IFT88: variants seen among roughly 807,000 people sequenced by gnomAD.
IFT88 encodes the protein intraflagellar transport 88, also known as intraflagellar transport protein 88 homolog.
Under a neutral mutation model 119.5 loss-of-function variants are expected in IFT88, and 74 were observed. That is an observed-to-expected ratio of 0.62 (90% CI 0.51 to 0.75). IFT88 has a LOEUF of 0.75. Among genes scored for constraint, IFT88 ranks in the 30% least tolerant of loss-of-function variants. IFT88 has a pLI of 0.00. For synonymous variants in IFT88, 279 were observed against 316.7 expected, an observed-to-expected ratio of 0.88 and a Z score of 1.26; for missense variants, 961 against 977.7, an observed-to-expected ratio of 0.98 and a Z score of 0.23.
chr13:20,629,137 A>G (rs563842605), intron 15 of IFT88, among the ~76,000 whole-genome samples: 26 of 152,306 alleles, frequency 1.7e-4, no homozygotes, highest in Non-Finnish European at 3.1e-4. Flanking sequence ...ACACCTATTC[A>G]AGTGCCTTAT....
rs373257320 is a variant in IFT88, at chr13:20,628,175, A to G, written c.1299+2326A>G. Among the ~76,000 whole-genome samples the G allele has an allele frequency of 6.4e-4, 98 of 152,322 alleles. No homozygotes were observed. The East Asian group carries it at 0.012, about 19-fold the overall frequency. On this transcript the variant is annotated intron_variant, in intron 15 of 25. Coordinates refer to ENST00000351808, the MANE Select transcript of IFT88 (RefSeq NM_006531.5). ...AAAAATTTATGCCTTCTGTGAGGAT[A>G]TAGTTCTGGAGTTAGCTCTAAATAC...
In IFT88 at chr13:20,596,169, CA is replaced by C; in HGVS notation, c.420del (p.Gln140HisfsTer2). On this transcript the variant is annotated frameshift_variant, in exon 8 of 26. Coordinates refer to ENST00000351808, the MANE Select transcript of IFT88 (RefSeq NM_006531.5). LOFTEE classifies it high-confidence loss of function. ...TAATAGCCCAGAGGAAAAAATAAAG[CA>C]ATTAGAGAAGGAAGTAAATGAGTTG... ...KKDSPEEKIK[Q>X]LEKEVNELVE... is the part of the protein sequence containing the mutation. 1 of 1,528,644 alleles carries C rather than the reference CA, an allele frequency of 6.5e-7. No homozygotes were observed. The highest frequency in any genetic ancestry group is 1.8e-5 in the Admixed American group (1 of 55,216). 94.7% of individuals were successfully genotyped at this position (1,528,644 alleles called of 1,614,324 possible).
intron 12 of IFT88, among the ~76,000 whole-genome samples, chr13:20,602,347 G>A (rs907430206): frequency 6.6e-6 from 1 of 151,606 alleles, no homozygotes; most frequent in Admixed American, 6.6e-5. Context: ...TGGGATTACA[G>A]GCATGCGCCA....
intron 24 of IFT88, among the ~76,000 whole-genome samples, chr13:20,672,063 G>A (rs2055965397): frequency 6.6e-6 from 1 of 152,180 alleles, no homozygotes; most frequent in Non-Finnish European, 1.5e-5. Flanking sequence ...GCTTCTAATG[G>A]TGCTGTGGAT....
At chr13:20,659,882 T>A (rs112043556) in intron 22 of IFT88, among the ~76,000 whole-genome samples, 1 of 152,178 alleles carries the variant, frequency 6.6e-6, no homozygotes, top group Non-Finnish European at 1.5e-5. Context: ...GACCTCATGA[T>A]CTGCCCGCCT....
At chr13:20,633,529 T>A (rs757582295) in intron 16 of IFT88, among the ~76,000 whole-genome samples, 46 of 152,304 alleles carry the variant, frequency 3.0e-4, no homozygotes, top group East Asian at 1.2e-3. Flanking sequence ...AAGCATGGTG[T>A]CTATCATGGC....
At chr13:20,587,627 T>C (rs2039929130) in intron 3 of IFT88, among the ~76,000 whole-genome samples, 1 of 152,178 alleles carries the variant, frequency 6.6e-6, no homozygotes, top group East Asian at 1.9e-4. Flanking sequence ...GTATTTTTTT[T>C]AGGTTTTTGC....
Position 20,601,718 on chromosome 13 carries a change from C to T in IFT88, c.826C>T (p.Gln276Ter). ...VNKQMRIKIM[Q>*]NIGVTFIQAG... ...TTTTTCTTTTAGGATTAAAATAATG[C>T]AGAATATTGGAGTTACATTTATTCA... is the stretch of plus-strand genomic sequence containing the variant. The change falls in exon 12 of 26, where the codon CAG (glutamine) becomes TAG (stop). Residue 276 changes from glutamine to a stop codon, truncating the protein, a stop_gained. Transcript: ENST00000351808. LOFTEE classifies it high-confidence loss of function. 6.3e-7 allele frequency: 1 copy of T among 1,596,484 alleles called. No homozygotes were observed. Among genetic ancestry groups the T allele is most frequent in the Non-Finnish European group, 8.6e-7 (1 of 1,166,706 alleles).
intron 14 of IFT88, among the ~76,000 whole-genome samples, chr13:20,622,685 TGTTTTGGA>T (rs1156945249): frequency 6.6e-6 from 1 of 152,220 alleles, no homozygotes; most frequent in Admixed American, 6.5e-5. Context: ...GTTTGGTTTT[TGTTTTGGA>T]GTTTTAGGAG....
chr13:20,591,166 A>G (rs772136727), intron 5 of IFT88, 146 bp downstream of exon 5: 2 of 638,240 alleles, frequency 3.1e-6, no homozygotes, highest in Non-Finnish European at 2.7e-6. Flanking sequence ...ATTGTGGGCT[A>G]AAGTCTACAC....
intron 14 of IFT88, among the ~76,000 whole-genome samples, chr13:20,621,239 G>T (rs1027286666): frequency 3.3e-5 from 5 of 151,986 alleles, no homozygotes; most frequent in African/African-American, 9.7e-5. Context: ...GCAAAGTTTT[G>T]TATTTTTAGT....
At chr13:20,591,307 A>G (rs1189932558) in intron 5 of IFT88, among the ~76,000 whole-genome samples, 1 of 152,128 alleles carries the variant, frequency 6.6e-6, no homozygotes, top group Non-Finnish European at 1.5e-5. Context: ...TTTTCCTGTT[A>G]CCATTTACAA....
chr13:20,653,838 T>G, intron 20 of IFT88, 38 bp from the exon 21 acceptor site: 2 of 1,231,128 alleles, frequency 1.6e-6, no homozygotes, highest in Non-Finnish European at 2.3e-6. Flanking sequence ...TCACAGATTT[T>G]TTTATCTCTA....
chr13:20,622,766 A>G (rs1332366868), intron 14 of IFT88, among the ~76,000 whole-genome samples: 1 of 152,170 alleles, frequency 6.6e-6, no homozygotes, highest in Non-Finnish European at 1.5e-5. Flanking sequence ...ATTTTCTCCC[A>G]TTCTGTGGAT....
chr13:20,663,670 ATG>A, intron 23 of IFT88, 66 bp downstream of exon 23: 1 of 1,125,178 alleles, frequency 8.9e-7, no homozygotes, highest in South Asian at 1.4e-5. Context: ...TATAGCTCAA[ATG>A]TGTGATGTTA....
chr13:20,685,960 T>A lies in IFT88; in HGVS notation c.2243-4745T>A, dbSNP rs189383957. ...AAGAAATAATTTTGTACACACATAT[T>A]GATCACATTATTTATGGTAGAAACA... is the stretch of plus-strand genomic sequence containing the variant. On this transcript the variant is annotated intron_variant, in intron 24 of 25. Transcript: ENST00000351808. Among the ~76,000 whole-genome samples, 13 of 152,364 alleles carry A rather than the reference T, an allele frequency of 8.5e-5. No individual in the cohort carries two copies. In the East Asian group the frequency reaches 2.3e-3, roughly 27 times the overall value.
At chr13:20,580,724 C>CTTTT (rs1162699940) in intron 2 of IFT88, among the ~76,000 whole-genome samples, 4 of 122,736 alleles carry the variant, frequency 3.3e-5, no homozygotes, top group African/African-American at 6.1e-5. Context: ...TTTCTTTTTT[C>CTTTT]TTTTTTTTTT....
intron 3 of IFT88, among the ~76,000 whole-genome samples, chr13:20,586,779 C>T (rs1478949459): frequency 6.6e-6 from 1 of 152,052 alleles, no homozygotes; most frequent in Non-Finnish European, 1.5e-5. Flanking sequence ...GAGTTTAAGC[C>T]CTGAAACATG....
chr13:20,627,640 A>C (rs553441960), intron 15 of IFT88, among the ~76,000 whole-genome samples: 1 of 148,044 alleles, frequency 6.8e-6, no homozygotes, highest in Non-Finnish European at 1.5e-5. Flanking sequence ...CTGAGACAGG[A>C]GAATTGCTTG....
Sources: gnomAD v4.1 joint callset for allele counts (sites outside exome capture counted in the v4.1 genomes callset) on GRCh38, gnomAD v4.1.1 for gene constraint, MANE v1.5 for transcripts, NCBI Gene and HGNC (gene_info 2026-07-23, HGNC 2026-07-21) for gene names.